UBE2K: variants seen among roughly 807,000 people sequenced by gnomAD.
The protein encoded by UBE2K is ubiquitin conjugating enzyme E2 K, also known as ubiquitin-conjugating enzyme E2 K.
A neutral mutation model predicts 30.0 loss-of-function variants in UBE2K; 6 were observed. That is an observed-to-expected ratio of 0.20 (90% CI 0.11 to 0.39). The LOEUF is 0.39. Among genes scored for constraint, UBE2K ranks in the 10% least tolerant of loss-of-function variants. The probability of loss-of-function intolerance (pLI) is 1.00; values close to 1 mark genes in which losing one functional copy is unlikely to be tolerated. For missense variants in UBE2K, 61 were observed against 241.6 expected (o/e 0.25, Z 4.96); for synonymous variants, 86 against 83.7 (o/e 1.03, Z -0.15).
At chr4:39,745,648 T>G in intron 2 of UBE2K, 104 bp from the exon 3 acceptor site, 4 of 722,088 alleles carry the variant, frequency 5.5e-6, no homozygotes, top group Non-Finnish European at 9.0e-6. Flanking sequence ...AATGAATTTT[T>G]ATAATTGAAT....
At chr4:39,718,375 G>T (rs532012387) in intron 1 of UBE2K, among the ~76,000 whole-genome samples, 5 of 152,334 alleles carry the variant, frequency 3.3e-5, no homozygotes, top group Admixed American at 3.3e-4. Context: ...AGTGCCGATT[G>T]GTGCATTCAC....
At chr4:39,778,150 G>A (rs1053554823) in intron 6 of UBE2K, among the ~76,000 whole-genome samples, 23 of 147,512 alleles carry the variant, frequency 1.6e-4, no homozygotes, top group African/African-American at 5.7e-4. Flanking sequence ...TCTAGTTTTG[G>A]TAAACATATT....
intron 4 of UBE2K, among the ~76,000 whole-genome samples, chr4:39,761,889 T>G (rs1479299932): frequency 6.6e-6 from 1 of 151,952 alleles, no homozygotes; most frequent in Non-Finnish European, 1.5e-5. Flanking sequence ...TTTAGGCCGG[T>G]TGCTGGCCGG....
chr4:39,770,188 C>T lies in UBE2K; in HGVS notation c.300-4646C>T, dbSNP rs530983070. ...TGCCGCCTAATGGCAGGCTTGTGGG[C>T]GAAGCGCATGTCGCAGTAGGAGCAG... On this transcript the variant is annotated intron_variant, in intron 4 of 6. Transcript: ENST00000261427. The T allele has an allele frequency of 5.0e-6, 8 of 1,608,578 alleles. No individual in the cohort carries two copies. In the Admixed American group the frequency reaches 6.7e-5, roughly 13 times the overall value.
chr4:39,771,830 C>T (rs1712893282), intron 4 of UBE2K, among the ~76,000 whole-genome samples: 1 of 151,974 alleles, frequency 6.6e-6, no homozygotes, highest in African/African-American at 2.4e-5. Context: ...TTGGCAATAA[C>T]TTAACTTTTT....
intron 3 of UBE2K, among the ~76,000 whole-genome samples, chr4:39,747,951 G>A (rs1449896562): frequency 1.3e-5 from 2 of 151,792 alleles, no homozygotes; most frequent in South Asian, 2.1e-4. Context: ...ACAGGCACCC[G>A]CCACCAAGCC....
At chr4:39,718,684 A>G (rs950539237) in intron 1 of UBE2K, among the ~76,000 whole-genome samples, 1 of 152,244 alleles carries the variant, frequency 6.6e-6, no homozygotes, top group African/African-American at 2.4e-5. Flanking sequence ...AATTGAGCGC[A>G]GCGCTGGTGG....
chr4:39,714,542 A>ATTTTTTTTT lies in UBE2K; in HGVS notation c.63+16153_63+16154insTTTTTTTTT, dbSNP rs1275060030. ...CATATATATATATATATATATATAT[A>ATTTTTTTTT]TATATATATTTTTTTTTTTTTTTAA... On this transcript the variant is annotated intron_variant, in intron 1 of 6. Transcript: ENST00000261427. The ATTTTTTTTT allele has an allele frequency of 7.5e-3, 151 of 20,154 alleles. 5 individuals are homozygous for ATTTTTTTTT. Among genetic ancestry groups the ATTTTTTTTT allele is most frequent in the Non-Finnish European group, 9.3e-3 (124 of 13,392 alleles). The allele number at this position is 20,154 out of a possible 1,614,324, so 1.2% of individuals were successfully genotyped here.
intron 1 of UBE2K, among the ~76,000 whole-genome samples, chr4:39,720,766 C>T (rs1372103296): frequency 6.6e-6 from 1 of 152,090 alleles, no homozygotes; most frequent in Admixed American, 6.6e-5. Context: ...TTATTAGAGA[C>T]TAGGTCTCAG....
intron 3 of UBE2K, among the ~76,000 whole-genome samples, chr4:39,749,775 A>G (rs1348360668): frequency 6.6e-6 from 1 of 152,198 alleles, no homozygotes; most frequent in Non-Finnish European, 1.5e-5. Context: ...TACCAATGCT[A>G]ATAATCTTTA....
At chr4:39,775,918 C>G (rs1713258937) in intron 5 of UBE2K, among the ~76,000 whole-genome samples, 1 of 151,986 alleles carries the variant, frequency 6.6e-6, no homozygotes, top group South Asian at 2.1e-4. Context: ...TCCCTTCTTA[C>G]TCGTCTTTCT....
chr4:39,771,381 C>T, intron 4 of UBE2K: 1 of 1,612,526 alleles, frequency 6.2e-7, no homozygotes, highest in African/African-American at 1.3e-5. Flanking sequence ...TGTTCCGTAG[C>T]GTAGCGGCCT....
At chr4:39,714,549 TA>T (rs67197113) in intron 1 of UBE2K, 93 of 46,022 alleles carry the variant, frequency 2.0e-3, no homozygotes, top group South Asian at 4.5e-3. Flanking sequence ...TATATATATA[TA>T]TTTTTTTTTT....
rs908995600 is a variant in UBE2K at position 39,744,981 on chromosome 4, A to G, written c.158-771A>G. Among the ~76,000 whole-genome samples, 10 of 141,132 alleles carry G rather than the reference A, an allele frequency of 7.1e-5. No individual in the cohort carries two copies. The East Asian group carries it at 1.2e-3, about 16-fold the overall frequency. 92.6% of individuals were successfully genotyped at this position (141,132 alleles called of 152,430 possible). On this transcript the variant is annotated intron_variant, in intron 2 of 6. Transcript: ENST00000261427. ...GAAGGAATAGTTTGTCTTTATGTCTATCTCTCTTGTTGAATTTTGCTTAAA... is the reference window on the plus strand; with the variant it reads ...GAAGGAATAGTTTGTCTTTATGTCTGTCTCTCTTGTTGAATTTTGCTTAAA...
intron 4 of UBE2K, among the ~76,000 whole-genome samples, chr4:39,768,149 A>G (rs1276538653): frequency 1.3e-5 from 2 of 152,072 alleles, no homozygotes; most frequent in Non-Finnish European, 2.9e-5. Context: ...TTGTGAGACT[A>G]GAAAGACGGG....
intron 1 of UBE2K, among the ~76,000 whole-genome samples, chr4:39,725,702 G>A (rs999081835): frequency 1.3e-5 from 2 of 152,170 alleles, no homozygotes; most frequent in Non-Finnish European, 2.9e-5. Flanking sequence ...AGCATGCAGG[G>A]AATTTTCTTC....
At chr4:39,741,845 T>A (rs1443154252) in intron 2 of UBE2K, among the ~76,000 whole-genome samples, 2 of 152,140 alleles carry the variant, frequency 1.3e-5, no homozygotes, top group East Asian at 3.8e-4. Flanking sequence ...TAAGTTAAAT[T>A]TAAAGATTGT....
intron 3 of UBE2K, among the ~76,000 whole-genome samples, chr4:39,750,800 C>G (rs1363903593): frequency 2.0e-5 from 3 of 150,016 alleles, no homozygotes; most frequent in Non-Finnish European, 4.4e-5. Flanking sequence ...GGCTGGAGTA[C>G]AGTGGCATGA....
At chr4:39,743,922 G>T (rs1305992266) in intron 2 of UBE2K, among the ~76,000 whole-genome samples, 1 of 152,156 alleles carries the variant, frequency 6.6e-6, no homozygotes, top group Non-Finnish European at 1.5e-5. Context: ...GAGTGCAGTG[G>T]TGCGAACTTG....
Sources: allele counts gnomAD v4.1 joint callset (sites outside exome capture counted in the v4.1 genomes callset), GRCh38; gene constraint gnomAD v4.1.1; transcripts MANE v1.5; gene names NCBI Gene and HGNC (gene_info 2026-07-23, HGNC 2026-07-21).